The following B3GALT1 variants were observed in gnomAD, a reference collection of about 807,000 sequenced individuals.
The protein encoded by B3GALT1 is beta-1,3-galactosyltransferase 1, also known as UDP-Gal:betaGlcNAc beta 1,3-galactosyltransferase, polypeptide 1.
B3GALT1 carries 10 observed loss-of-function variants against 23.2 expected under a neutral mutation model. That is an observed-to-expected ratio of 0.43 (90% CI 0.27 to 0.73). The LOEUF (loss-of-function observed/expected upper bound fraction) is 0.73, where lower values mean the gene tolerates loss of function less well. Among genes scored for constraint, B3GALT1 ranks in the 30% least tolerant of loss-of-function variants. B3GALT1 has a pLI of 0.21. For synonymous variants in B3GALT1, 156 were observed against 141.5 expected, an observed-to-expected ratio of 1.10 and a Z score of -0.73; for missense variants, 299 against 405.4, an observed-to-expected ratio of 0.74 and a Z score of 2.25.
At chr2:167,666,461 T>G (rs1315284647) in intron 3 of B3GALT1, among the ~76,000 whole-genome samples, 1 of 152,072 alleles carries the variant, frequency 6.6e-6, no homozygotes, top group Non-Finnish European at 1.5e-5. Context: ...AGATGTCTGT[T>G]AGGTCCGCTT....
intron 4 of B3GALT1, among the ~76,000 whole-genome samples, chr2:167,827,655 T>C (rs1314650187): frequency 6.6e-6 from 1 of 152,212 alleles, no homozygotes; most frequent in African/African-American, 2.4e-5. Context: ...TCTGATGGCG[T>C]GTTTGCATAT....
At chr2:167,664,802 A>G (rs962071046) in intron 3 of B3GALT1, among the ~76,000 whole-genome samples, 46 of 151,286 alleles carry the variant, frequency 3.0e-4, no homozygotes, top group African/African-American at 1.1e-3. Context: ...TGATTTTTGT[A>G]CATTGATTTT....
chr2:167,560,804 A>G (rs1683966831), intron 2 of B3GALT1, among the ~76,000 whole-genome samples: 1 of 152,218 alleles, frequency 6.6e-6, no homozygotes, highest in Non-Finnish European at 1.5e-5. Flanking sequence ...AGATCCATAA[A>G]GCAAGTCCTG....
At chr2:167,565,472 A>G (rs1455333660) in intron 2 of B3GALT1, among the ~76,000 whole-genome samples, 1 of 152,250 alleles carries the variant, frequency 6.6e-6, no homozygotes, top group African/African-American at 2.4e-5. Flanking sequence ...CTAAAACACC[A>G]AAAGCAGTGG....
intron 1 of B3GALT1, among the ~76,000 whole-genome samples, chr2:167,458,187 C>T (rs1056077730): frequency 6.6e-6 from 1 of 152,144 alleles, no homozygotes. Context: ...TTGACTACCT[C>T]ATATATAAGT....
At chr2:167,741,835 G>A (rs1687580873) in intron 3 of B3GALT1, among the ~76,000 whole-genome samples, 1 of 152,134 alleles carries the variant, frequency 6.6e-6, no homozygotes, top group African/African-American at 2.4e-5. Context: ...ATTTTATAAT[G>A]TTGGCAACAG....
chr2:167,637,493 G>A (rs984263656), intron 2 of B3GALT1, among the ~76,000 whole-genome samples: 1 of 151,972 alleles, frequency 6.6e-6, no homozygotes, highest in Non-Finnish European at 1.5e-5. Context: ...CTTCTCATTT[G>A]TATGTGTTGG....
intron 1 of B3GALT1, among the ~76,000 whole-genome samples, chr2:167,368,253 C>T (rs1431000957): frequency 6.6e-6 from 1 of 152,172 alleles, no homozygotes; most frequent in East Asian, 1.9e-4. Context: ...AAGTTTCATC[C>T]TCAATTGCCT....
intron 2 of B3GALT1, among the ~76,000 whole-genome samples, chr2:167,569,268 G>A (rs1223445066): frequency 6.6e-6 from 1 of 151,524 alleles, no homozygotes; most frequent in Non-Finnish European, 1.5e-5. Context: ...AAGTTGCTAG[G>A]GTTTTGATTG....
intron 1 of B3GALT1, among the ~76,000 whole-genome samples, chr2:167,335,355 G>A (rs562288746): frequency 2.6e-5 from 4 of 152,208 alleles, no homozygotes; most frequent in South Asian, 4.2e-4. Flanking sequence ...ATAGAAGTAC[G>A]GAGTCCTTCT....
chr2:167,651,538 C>A (rs1685870022), intron 3 of B3GALT1, among the ~76,000 whole-genome samples: 1 of 152,088 alleles, frequency 6.6e-6, no homozygotes, highest in South Asian at 2.1e-4. Context: ...GCTGAGATAA[C>A]CACACACAGC....
intron 2 of B3GALT1, among the ~76,000 whole-genome samples, chr2:167,564,028 A>C (rs1350298205): frequency 2.1e-5 from 3 of 142,348 alleles, no homozygotes; most frequent in South Asian, 2.4e-4. Flanking sequence ...CTCCCGGACG[A>C]GGTGGCTGCT....
intron 3 of B3GALT1, among the ~76,000 whole-genome samples, chr2:167,805,659 A>AAC (rs1401001471): frequency 1.3e-5 from 2 of 152,114 alleles, no homozygotes; most frequent in East Asian, 3.8e-4. Context: ...ATTATTTCTG[A>AAC]GGGCTCTGTT....
chr2:167,562,851 C>T (rs1184619222), intron 2 of B3GALT1, among the ~76,000 whole-genome samples: 3 of 152,004 alleles, frequency 2.0e-5, no homozygotes, highest in Non-Finnish European at 2.9e-5. Flanking sequence ...GGTGATGACT[C>T]TTAAGGAGCA....
chr2:167,525,689 A>G (rs1334179953), intron 2 of B3GALT1, among the ~76,000 whole-genome samples: 1 of 151,610 alleles, frequency 6.6e-6, no homozygotes, highest in African/African-American at 2.4e-5. Flanking sequence ...GCTGGAGTTC[A>G]GTGACACGTC....
intron 1 of B3GALT1, among the ~76,000 whole-genome samples, chr2:167,401,444 T>C (rs1698187702): frequency 6.6e-6 from 1 of 152,108 alleles, no homozygotes; most frequent in East Asian, 1.9e-4. Flanking sequence ...TGCCTTGAGA[T>C]AGGCAGTGTT....
chr2:167,537,833 T>C (rs918010589), intron 2 of B3GALT1, among the ~76,000 whole-genome samples: 5 of 151,170 alleles, frequency 3.3e-5, no homozygotes, highest in African/African-American at 4.9e-5. Context: ...TTCTTTTTTT[T>C]TTTTTTTTTT....
intron 2 of B3GALT1, among the ~76,000 whole-genome samples, chr2:167,538,743 T>C (rs1683474958): frequency 6.6e-6 from 1 of 152,250 alleles, no homozygotes; most frequent in Non-Finnish European, 1.5e-5. Flanking sequence ...TAGAACATTA[T>C]ATAAATCATA....
At chr2:167,566,014 G>T (rs1376573057) in intron 2 of B3GALT1, among the ~76,000 whole-genome samples, 4 of 151,890 alleles carry the variant, frequency 2.6e-5, no homozygotes, top group Non-Finnish European at 4.4e-5. Flanking sequence ...TATACCCAAA[G>T]GACTATAAAT....
Sources: allele counts gnomAD v4.1 joint callset (sites outside exome capture counted in the v4.1 genomes callset), GRCh38; gene constraint gnomAD v4.1.1; transcripts MANE v1.5; gene names NCBI Gene and HGNC (gene_info 2026-07-23, HGNC 2026-07-21).